ASB4: variants seen among roughly 807,000 people sequenced by gnomAD.
The protein encoded by ASB4 is ankyrin repeat and SOCS box containing 4, also known as ankyrin repeat and SOCS box protein 4.
Under a neutral mutation model 38.6 loss-of-function variants are expected in ASB4, and 35 were observed. That is an observed-to-expected ratio of 0.91 (90% CI 0.69 to 1.20). The LOEUF is 1.20. ASB4 is among the 50% of genes most tolerant of loss of function. ASB4 has a pLI of 0.00. For missense variants in ASB4, 557 were observed against 527.2 expected, an observed-to-expected ratio of 1.06 and a Z score of -0.55; for synonymous variants, 195 against 201.3, an observed-to-expected ratio of 0.97 and a Z score of 0.26.
intron 2 of ASB4, among the ~76,000 whole-genome samples, chr7:95,526,639 G>A (rs915375620): frequency 6.6e-6 from 1 of 152,048 alleles, no homozygotes; most frequent in Admixed American, 6.6e-5. Context: ...ATTAAAAACT[G>A]CACCCACTGC....
At chr7:95,548,260 T>C in the ASB4 span, among the ~76,000 whole-genome samples, 9 of 152,256 alleles carry the variant, frequency 5.9e-5, no homozygotes, top group Non-Finnish European at 1.2e-4. Flanking sequence ...GCCATTCTGA[T>C]AGGTAAATAG....
At position 95,538,873 on chromosome 7, in the gene ASB4, A is replaced by T. The variant is rs1372187526; in HGVS notation, c.*1114A>T. ...CTGACATTTCATAGCATTGTAGCTA[A>T]GAGATAAGGAGCACTTTGCTAGTGA... On this transcript the variant is annotated 3_prime_UTR_variant, in exon 5 of 5. Transcript: ENST00000325885. 1 of 152,210 alleles carries T rather than the reference A, an allele frequency of 6.6e-6. No individual in the cohort carries two copies. The highest frequency in any genetic ancestry group is 6.6e-5 in the Admixed American group (1 of 15,266). The allele number at this position is 152,210 out of a possible 1,614,324, so 9.4% of individuals were successfully genotyped here.
intron 1 of ASB4, among the ~76,000 whole-genome samples, chr7:95,490,443 A>G (rs1790155137): frequency 6.6e-6 from 1 of 152,222 alleles, no homozygotes; most frequent in South Asian, 2.1e-4. Context: ...TTAGCTATTA[A>G]AAAATAGCCA....
upstream of ASB4, among the ~76,000 whole-genome samples, chr7:95,474,403 A>AT (rs1165060508): frequency 6.6e-6 from 1 of 152,136 alleles, no homozygotes; most frequent in Non-Finnish European, 1.5e-5. Flanking sequence ...TCACTTATCA[A>AT]TTTGTTTTTT....
At chr7:95,490,553 CT>C (rs1790157103) in intron 1 of ASB4, among the ~76,000 whole-genome samples, 1 of 152,216 alleles carries the variant, frequency 6.6e-6, no homozygotes, top group African/African-American at 2.4e-5. Context: ...TGTGTGTAAC[CT>C]TTGGCTGTAA....
intron 2 of ASB4, among the ~76,000 whole-genome samples, chr7:95,520,386 A>G (rs921733991): frequency 1.1e-4 from 17 of 152,220 alleles, no homozygotes; most frequent in Non-Finnish European, 2.9e-5. Flanking sequence ...ATTGGAAAGT[A>G]TACAAACAAG....
At chr7:95,519,520 G>T (rs1257883533) in intron 2 of ASB4, among the ~76,000 whole-genome samples, 1 of 152,216 alleles carries the variant, frequency 6.6e-6, no homozygotes, top group Non-Finnish European at 1.5e-5. Flanking sequence ...CAGCCCAGCA[G>T]TGTTTTGTAC....
At chr7:95,523,079 A>G (rs1790685377) in intron 2 of ASB4, among the ~76,000 whole-genome samples, 1 of 152,228 alleles carries the variant, frequency 6.6e-6, no homozygotes, top group Non-Finnish European at 1.5e-5. Context: ...AGGACTCCAT[A>G]CTGTAAGAAT....
At chr7:95,491,030 C>G (rs138170525) in intron 1 of ASB4, among the ~76,000 whole-genome samples, 56 of 152,278 alleles carry the variant, frequency 3.7e-4, no homozygotes, top group African/African-American at 1.3e-3. Context: ...AACATGGACA[C>G]TTTATACTAC....
intron 3 of ASB4, among the ~76,000 whole-genome samples, chr7:95,534,571 C>T (rs73711347): frequency 0.015 from 2,241 of 152,158 alleles, 43 homozygotes; most frequent in African/African-American, 0.051. Flanking sequence ...GCCTGGGAGC[C>T]GGTTGGTGCA....
intron 2 of ASB4, among the ~76,000 whole-genome samples, chr7:95,497,492 G>T (rs111243297): frequency 9.6e-4 from 146 of 152,250 alleles, no homozygotes; most frequent in Middle Eastern, 3.4e-3. Flanking sequence ...GCCATTTTTT[G>T]AGGTAAAGAA....
chr7:95,517,380 T>C (rs1473714663), intron 2 of ASB4, among the ~76,000 whole-genome samples: 2 of 152,162 alleles, frequency 1.3e-5, no homozygotes, highest in Non-Finnish European at 2.9e-5. Flanking sequence ...TCTTTTATCA[T>C]ATATATGATG....
At chr7:95,476,071 T>C (rs1482835207), upstream of ASB4, among the ~76,000 whole-genome samples, 1 of 152,238 alleles carries the variant, frequency 6.6e-6, no homozygotes, top group Non-Finnish European at 1.5e-5. Context: ...GCCAGCTCCC[T>C]GTGTTTCGTA....
At chr7:95,497,745 C>T (rs939860822) in intron 2 of ASB4, among the ~76,000 whole-genome samples, 1 of 152,106 alleles carries the variant, frequency 6.6e-6, no homozygotes, top group Admixed American at 6.5e-5. Context: ...TATAATTTTG[C>T]CTGTTTTCAG....
chr7:95,495,191 A>G (rs1305506456), intron 1 of ASB4, among the ~76,000 whole-genome samples: 1 of 152,222 alleles, frequency 6.6e-6, no homozygotes, highest in Non-Finnish European at 1.5e-5. Context: ...GGAAAGCGAT[A>G]TTGCATAAAT....
At chr7:95,470,778 C>A in the ASB4 span, among the ~76,000 whole-genome samples, 1 of 152,096 alleles carries the variant, frequency 6.6e-6, no homozygotes, top group African/African-American at 2.4e-5. Flanking sequence ...AGGCACTGTC[C>A]CATCCATTAA....
the ASB4 span, among the ~76,000 whole-genome samples, chr7:95,471,086 T>C: frequency 6.6e-6 from 1 of 152,244 alleles, no homozygotes; most frequent in Non-Finnish European, 1.5e-5. Context: ...AAAATGTTTC[T>C]CATTTTTCTG....
At chr7:95,511,949 G>A (rs971121879) in intron 2 of ASB4, among the ~76,000 whole-genome samples, 1 of 152,104 alleles carries the variant, frequency 6.6e-6, no homozygotes, top group African/African-American at 2.4e-5. Context: ...ACTGCCTTGG[G>A]TGACTTTGCT....
chr7:95,497,430 T>A (rs1790266909), intron 2 of ASB4, among the ~76,000 whole-genome samples: 1 of 152,032 alleles, frequency 6.6e-6, no homozygotes, highest in Admixed American at 6.5e-5. Flanking sequence ...AAAAAGGAAG[T>A]CCCAAGTATC....
Sources: gnomAD v4.1 joint callset for allele counts (sites outside exome capture counted in the v4.1 genomes callset) on GRCh38, gnomAD v4.1.1 for gene constraint, MANE v1.5 for transcripts, NCBI Gene and HGNC (gene_info 2026-07-23, HGNC 2026-07-21) for gene names.